The following BFSP1 variants were observed in gnomAD, a reference collection of about 807,000 sequenced individuals.
The protein encoded by BFSP1 is filensin.
Under a neutral mutation model 43.9 loss-of-function variants are expected in BFSP1, and 38 were observed. The ratio of observed to expected loss-of-function variants is 0.87; its 90% CI spans 0.67 to 1.14. BFSP1 has a LOEUF of 1.14. Among genes scored for constraint, BFSP1 ranks in the 50% most tolerant of loss-of-function variants. The pLI is 0.00. For missense variants in BFSP1, 850 were observed against 875.1 expected, an observed-to-expected ratio of 0.97 and a Z score of 0.36; for synonymous variants, 352 against 354.8, an observed-to-expected ratio of 0.99 and a Z score of 0.09.
upstream of BFSP1, among the ~76,000 whole-genome samples, chr20:17,531,824 T>TC (rs1214643893): frequency 6.6e-6 from 1 of 152,220 alleles, no homozygotes; most frequent in Non-Finnish European, 1.5e-5. Context: ...GCAATTCTTT[T>TC]TTTTTTCTTT....
At chr20:17,551,376 C>A (rs1264979535) in intron 1 of BFSP1, among the ~76,000 whole-genome samples, 4 of 152,160 alleles carry the variant, frequency 2.6e-5, no homozygotes, top group Non-Finnish European at 4.4e-5. Context: ...CACTCACTGT[C>A]ACAAAGACAG....
intron 1 of BFSP1, among the ~76,000 whole-genome samples, chr20:17,548,834 G>T (rs1454913886): frequency 3.3e-5 from 5 of 152,006 alleles, no homozygotes; most frequent in Admixed American, 3.3e-4. Context: ...TTTAGATGAG[G>T]TCTTGCTCTG....
intron 1 of BFSP1, among the ~76,000 whole-genome samples, chr20:17,553,840 C>CAT (rs201771585): frequency 0.38 from 40,044 of 106,108 alleles, 8,089 homozygotes; most frequent in African/African-American, 0.51. Context: ...TATATATACA[C>CAT]ATATATATAC....
At chr20:17,554,289 A>G (rs746020577) in intron 1 of BFSP1, among the ~76,000 whole-genome samples, 12 of 152,186 alleles carry the variant, frequency 7.9e-5, no homozygotes, top group Non-Finnish European at 1.8e-4. Context: ...CAAAGAAGGA[A>G]ATAGTCCCAA....
intron 5 of BFSP1, among the ~76,000 whole-genome samples, chr20:17,500,931 C>T (rs752411173): frequency 1.6e-4 from 25 of 152,306 alleles, no homozygotes; most frequent in Admixed American, 5.2e-4. Context: ...TTCTACCTAG[C>T]GCAGCCCTTC....
chr20:17,565,786 C>T (rs1245539168), intron 1 of BFSP1: 2 of 152,126 alleles, frequency 1.3e-5, no homozygotes, highest in Non-Finnish European at 2.9e-5. Flanking sequence ...TACAATAAAA[C>T]TACACTTGTG....
chr20:17,544,650 G>C (rs545057077), intron 1 of BFSP1, among the ~76,000 whole-genome samples: 1 of 152,286 alleles, frequency 6.6e-6, no homozygotes, highest in African/African-American at 2.4e-5. Flanking sequence ...TCAACACAGA[G>C]TTGGGAATAA....
chr20:17,527,733 A>T (rs1290844352), intron 1 of BFSP1, among the ~76,000 whole-genome samples: 1 of 128,652 alleles, frequency 7.8e-6, no homozygotes, highest in African/African-American at 3.2e-5. Context: ...GTATCAAAAA[A>T]AATAATAAAA....
chr20:17,496,991 G>A lies in BFSP1; in HGVS notation c.989C>T (p.Pro330Leu). ...LTSAFIETPI[P>L]LFTQSHGVSL... ...GACTCCATGGCTCTGGGTGAACAGG[G>A]GAATGGGAGTTTCAATGAAGGCAGA... Residue 330 changes from proline to leucine, a missense_variant, in exon 7 of 8, where the codon CCC (proline) becomes CTC (leucine). Physicochemically the swap from Pro to Leu is moderately conservative, Grantham distance 98 (BLOSUM62 -3). Transcript: ENST00000377873. The A allele has an allele frequency of 2.6e-6, 4 of 1,542,974 alleles. No individual in the cohort carries two copies. The highest frequency in any genetic ancestry group is 2.8e-5 in the African/African-American group (2 of 72,468).
At chr20:17,499,403 CTTTTTTT>C (rs34583097) in intron 5 of BFSP1, among the ~76,000 whole-genome samples, 72 of 82,076 alleles carry the variant, frequency 8.8e-4, no homozygotes, top group African/African-American at 2.9e-3. Flanking sequence ...ACATGCTGGG[CTTTTTTT>C]TTTTTTTTTT....
chr20:17,519,086 G>A (rs2034264877), intron 2 of BFSP1, among the ~76,000 whole-genome samples: 1 of 152,160 alleles, frequency 6.6e-6, no homozygotes, highest in South Asian at 2.1e-4. Context: ...CCCCTCTTAA[G>A]ACTGCTGAGG....
intron 1 of BFSP1, among the ~76,000 whole-genome samples, chr20:17,543,676 T>C (rs933592698): frequency 2.6e-5 from 4 of 152,228 alleles, no homozygotes; most frequent in Admixed American, 1.3e-4. Context: ...TCAGCTCATC[T>C]ATCAGAAAAA....
At chr20:17,497,505 T>C (rs1271259009) in intron 6 of BFSP1, among the ~76,000 whole-genome samples, 1 of 143,004 alleles carries the variant, frequency 7.0e-6, no homozygotes, top group Non-Finnish European at 1.5e-5. Flanking sequence ...TATACACGTA[T>C]ATATACGTAT....
Position 17,494,997 on chromosome 20 carries a change from C to T in BFSP1, c.1075G>A (p.Ala359Thr). 2 of 1,613,814 alleles carry T rather than the reference C, an allele frequency of 1.2e-6. No homozygotes were observed. The highest frequency in any genetic ancestry group is 1.7e-6 in the Non-Finnish European group (2 of 1,179,974). Residue 359 changes from alanine to threonine, a missense_variant, in exon 8 of 8, where the codon GCA becomes ACA. By Grantham distance (58) the Ala-to-Thr change is moderately conservative. Transcript: ENST00000377873. ...LTRALQDITA[A>T]KPRQKALPKN... is the part of the protein sequence containing the mutation. The stretch of plus-strand genomic sequence containing the variant: ...GGGAGGGCTTTTTGTCTTGGTTTTG[C>T]TGCTGTTATATCCTGCAGAGCTCTG...
intron 1 of BFSP1, among the ~76,000 whole-genome samples, chr20:17,568,946 A>G (rs2035155852): frequency 6.6e-6 from 1 of 152,230 alleles, no homozygotes; most frequent in Non-Finnish European, 1.5e-5. Context: ...AAACACCCGC[A>G]GCAAAAACGC....
chr20:17,564,297 G>A (rs2035096211), intron 1 of BFSP1, among the ~76,000 whole-genome samples: 1 of 151,508 alleles, frequency 6.6e-6, no homozygotes, highest in African/African-American at 2.4e-5. Context: ...AGCCCAGGAG[G>A]TCAAGGCTGC....
chr20:17,534,638 A>C (rs1317015903), upstream of BFSP1, among the ~76,000 whole-genome samples: 1 of 152,232 alleles, frequency 6.6e-6, no homozygotes, highest in Non-Finnish European at 1.5e-5. Flanking sequence ...GGGGGATGGT[A>C]TTCTATAAAA....
intron 2 of BFSP1, 135 bp from the exon 3 acceptor site, chr20:17,514,951 T>A: frequency 1.4e-6 from 1 of 727,578 alleles, no homozygotes; most frequent in Non-Finnish European, 2.4e-6. Flanking sequence ...CTGGGAGGGG[T>A]CTGAGATTAT....
chr20:17,500,525 AAAAAGT>A (rs1211666988), intron 5 of BFSP1, among the ~76,000 whole-genome samples: 1 of 152,258 alleles, frequency 6.6e-6, no homozygotes, highest in Non-Finnish European at 1.5e-5. Context: ...GTTGCATAAA[AAAAAGT>A]CTAGCACATG....
Sources: gnomAD v4.1 joint callset for allele counts (sites outside exome capture counted in the v4.1 genomes callset) on GRCh38, gnomAD v4.1.1 for gene constraint, MANE v1.5 for transcripts, NCBI Gene and HGNC (gene_info 2026-07-23, HGNC 2026-07-21) for gene names.